The following ZNF385D variants were observed in gnomAD, a reference collection of about 807,000 sequenced individuals.
The protein encoded by ZNF385D is zinc finger protein 659.
In ZNF385D, 15 loss-of-function variants were observed where a neutral mutation model predicts 35.8. That is an observed-to-expected ratio of 0.42 (90% CI 0.28 to 0.64). The LOEUF is 0.64. Among genes scored for constraint, ZNF385D ranks in the 30% least tolerant of loss-of-function variants. The pLI, the probability that ZNF385D is intolerant of heterozygous loss-of-function variation, is 0.23. For missense variants in ZNF385D, 474 were observed against 494.6 expected (o/e 0.96, Z 0.39); for synonymous variants, 212 against 186.8 (o/e 1.13, Z -1.10).
At chr3:22,079,007 C>T (rs553368034) in intron 3 of ZNF385D, among the ~76,000 whole-genome samples, 5 of 152,060 alleles carry the variant, frequency 3.3e-5, no homozygotes, top group Non-Finnish European at 5.9e-5. Context: ...AGGTCAAAAA[C>T]TCTTAGTTTT....
rs191247121 is a variant in ZNF385D at position 21,812,805 on chromosome 3, C to T, written c.326-147777G>A. 9.2e-5 allele frequency among the ~76,000 whole-genome samples: 14 copies of T among 152,296 alleles called. No individual in the cohort carries two copies. In the East Asian group the frequency reaches 2.7e-3, roughly 29 times the overall value. On this transcript the variant is annotated intron_variant, in intron 3 of 5. Coordinates refer to the ZNF385D transcript ENST00000494108. Reference sequence around the variant, plus strand: ...CTGAACAAAAGGCGTCAGAAACCTGCAGAATTAAACGTCCCTGTCTGACAG... The same window carrying T: ...CTGAACAAAAGGCGTCAGAAACCTGTAGAATTAAACGTCCCTGTCTGACAG...
chr3:22,147,360 T>G (rs995907512), intron 3 of ZNF385D, among the ~76,000 whole-genome samples: 1 of 152,120 alleles, frequency 6.6e-6, no homozygotes, highest in South Asian at 2.1e-4. Context: ...TTCAGAGCAG[T>G]ACATATGCTT....
chr3:21,608,550 G>A (rs1318111545), intron 2 of ZNF385D, among the ~76,000 whole-genome samples: 1 of 152,104 alleles, frequency 6.6e-6, no homozygotes, highest in African/African-American at 2.4e-5. Context: ...TGTATAATAT[G>A]AAAAATAAAG....
chr3:22,265,501 G>A (rs548678032), intron 2 of ZNF385D, among the ~76,000 whole-genome samples: 10 of 152,044 alleles, frequency 6.6e-5, no homozygotes, highest in African/African-American at 2.2e-4. Context: ...CCACATACCA[G>A]AGAAACGCAG....
At chr3:21,999,996 T>G (rs755494542) in intron 3 of ZNF385D, among the ~76,000 whole-genome samples, 3 of 152,010 alleles carry the variant, frequency 2.0e-5, no homozygotes, top group Admixed American at 1.3e-4. Context: ...AATCCCCAAA[T>G]AGATTCAATC....
chr3:21,954,654 T>C (rs1343048259), intron 3 of ZNF385D, among the ~76,000 whole-genome samples: 1 of 152,138 alleles, frequency 6.6e-6, no homozygotes, highest in African/African-American at 2.4e-5. Flanking sequence ...CATGATTCAT[T>C]AATATATATT....
intron 2 of ZNF385D, among the ~76,000 whole-genome samples, chr3:21,591,852 A>G (rs1318514486): frequency 1.3e-5 from 2 of 152,114 alleles, no homozygotes; most frequent in Non-Finnish European, 2.9e-5. Context: ...TTTGTCTTTC[A>G]TACCAATGGC....
chr3:22,034,661 A>G (rs902740227), intron 3 of ZNF385D, among the ~76,000 whole-genome samples: 1 of 152,216 alleles, frequency 6.6e-6, no homozygotes, highest in African/African-American at 2.4e-5. Context: ...TTGGTATAAT[A>G]AAATGTTAAT....
intron 3 of ZNF385D, among the ~76,000 whole-genome samples, chr3:21,949,554 C>CTTTTTTTTTTTTTTTTTTTCTTTT (rs372298558): frequency 8.9e-6 from 1 of 112,914 alleles, no homozygotes; most frequent in Non-Finnish European, 1.8e-5. Context: ...TTCTTTCTTT[C>CTTTTTTTTTTTTTTTTTTTCTTTT]TTTTTTTTTT....
chr3:21,767,153 A>C (rs540378373), intron 3 of ZNF385D, among the ~76,000 whole-genome samples: 1 of 150,916 alleles, frequency 6.6e-6, no homozygotes, highest in Non-Finnish European at 1.5e-5. Flanking sequence ...AATATTGTCA[A>C]TTGAGAGTCT....
At chr3:22,213,223 C>A (rs1280066588) in intron 2 of ZNF385D, among the ~76,000 whole-genome samples, 3 of 152,034 alleles carry the variant, frequency 2.0e-5, no homozygotes, top group African/African-American at 7.2e-5. Context: ...CAAATGCTTT[C>A]TCTCAAAGGA....
At chr3:22,340,583 T>A (rs1695378643) in intron 2 of ZNF385D, among the ~76,000 whole-genome samples, 1 of 151,976 alleles carries the variant, frequency 6.6e-6, no homozygotes, top group Admixed American at 6.6e-5. Flanking sequence ...GACGTGGAGG[T>A]TGCAGTGAGT....
chr3:21,780,490 A>G (rs2071447372), intron 3 of ZNF385D, among the ~76,000 whole-genome samples: 1 of 151,912 alleles, frequency 6.6e-6, no homozygotes, highest in Non-Finnish European at 1.5e-5. Context: ...TGTACTACTT[A>G]TTGGTTTTAC....
chr3:21,960,916 G>A (rs951936938), intron 3 of ZNF385D, among the ~76,000 whole-genome samples: 3 of 152,014 alleles, frequency 2.0e-5, no homozygotes, highest in Admixed American at 2.0e-4. Context: ...GGTATTAGAG[G>A]ATATGGAGAA....
At chr3:21,829,026 T>A (rs567135566) in intron 3 of ZNF385D, among the ~76,000 whole-genome samples, 2 of 152,300 alleles carry the variant, frequency 1.3e-5, no homozygotes, top group African/African-American at 4.8e-5. Context: ...TTCCATCTCA[T>A]GGTCCTTAAT....
At chr3:21,591,015 C>T (rs1467145216) in intron 2 of ZNF385D, among the ~76,000 whole-genome samples, 1 of 151,686 alleles carries the variant, frequency 6.6e-6, no homozygotes, top group Non-Finnish European at 1.5e-5. Context: ...GGTAAAATAG[C>T]AAGACCTTGT....
At chr3:21,756,478 A>G (rs867306144) in intron 3 of ZNF385D, among the ~76,000 whole-genome samples, 7 of 152,140 alleles carry the variant, frequency 4.6e-5, no homozygotes, top group Non-Finnish European at 8.8e-5. Flanking sequence ...AATGTTTCAT[A>G]GTAGTTTGGC....
chr3:22,282,822 T>C (rs1701833101), intron 2 of ZNF385D, among the ~76,000 whole-genome samples: 1 of 152,008 alleles, frequency 6.6e-6, no homozygotes, highest in African/African-American at 2.4e-5. Flanking sequence ...ATGAATAGAA[T>C]AGTACCTCAT....
At chr3:21,580,927 T>C (rs1007968766) in intron 2 of ZNF385D, among the ~76,000 whole-genome samples, 6 of 152,156 alleles carry the variant, frequency 3.9e-5, no homozygotes, top group African/African-American at 1.4e-4. Flanking sequence ...CAATTTCTTT[T>C]GTTCTGTGTT....
Sources: gnomAD v4.1 joint callset for allele counts (sites outside exome capture counted in the v4.1 genomes callset) on GRCh38, gnomAD v4.1.1 for gene constraint, MANE v1.5 for transcripts, NCBI Gene and HGNC (gene_info 2026-07-23, HGNC 2026-07-21) for gene names.